RPL34: variants seen among roughly 807,000 people sequenced by gnomAD.
RPL34 encodes ribosomal protein L34, also known as large ribosomal subunit protein eL34.
Under a neutral mutation model 16.3 loss-of-function variants are expected in RPL34, and 2 were observed. The ratio of observed to expected loss-of-function variants is 0.12; its 90% CI spans 0.05 to 0.39. The LOEUF is 0.39. Ranked by LOEUF, RPL34 falls within the 10% of genes least tolerant of loss-of-function variation. RPL34 has a pLI of 0.99. For synonymous variants in RPL34, 47 were observed against 48.5 expected (o/e 0.97, Z 0.13); for missense variants, 82 against 148.8 (o/e 0.55, Z 2.33).
At chr4:108,622,701 AACT>A in intron 4 of RPL34, 83 bp downstream of exon 4, 1 of 795,720 alleles carries the variant, frequency 1.3e-6, no homozygotes, top group Non-Finnish European at 2.0e-6. Context: ...ATGGTGAAGC[AACT>A]CATTTTAAAC....
At chr4:108,625,786 T>C (rs1725981113), downstream of RPL34, among the ~76,000 whole-genome samples, 1 of 152,228 alleles carries the variant, frequency 6.6e-6, no homozygotes. Context: ...TCCTTCTCTT[T>C]GTGGGCTGAG....
downstream of RPL34, among the ~76,000 whole-genome samples, chr4:108,626,868 T>C (rs1043694743): frequency 6.6e-6 from 1 of 152,124 alleles, no homozygotes; most frequent in African/African-American, 2.4e-5. Flanking sequence ...TTTTCCTCAG[T>C]TGAGGAAAAT....
At chr4:108,626,447 CT>C (rs34343318), downstream of RPL34, among the ~76,000 whole-genome samples, 213 of 117,062 alleles carry the variant, frequency 1.8e-3, no homozygotes, top group South Asian at 1.8e-3. Context: ...GGCTGACAAC[CT>C]TTTTTTTTTT....
intron 4 of RPL34, among the ~76,000 whole-genome samples, chr4:108,624,232 G>C (rs940066587): frequency 6.6e-6 from 1 of 152,136 alleles, no homozygotes; most frequent in Non-Finnish European, 1.5e-5. Context: ...GTCTGCATGT[G>C]GTCTGTGCTT....
chr4:108,623,793 AG>A (rs1725882422), intron 4 of RPL34, among the ~76,000 whole-genome samples: 1 of 152,228 alleles, frequency 6.6e-6, no homozygotes, highest in South Asian at 2.1e-4. Context: ...GAACAGTAGG[AG>A]ATACTACATT....
intron 4 of RPL34, 52 bp from the exon 5 acceptor site, chr4:108,625,076 A>C: frequency 7.7e-7 from 1 of 1,306,716 alleles, no homozygotes; most frequent in Non-Finnish European, 1.1e-6. Flanking sequence ...GTGCTAAATA[A>C]AAAATGAAGT....
chr4:108,625,981 T>A (rs563301129), downstream of RPL34, among the ~76,000 whole-genome samples: 8 of 152,328 alleles, frequency 5.3e-5, no homozygotes, highest in Admixed American at 5.2e-4. Flanking sequence ...GTCACTTCAG[T>A]TCAAAAATGG....
At chr4:108,628,564 C>T (rs1303308655), downstream of RPL34, among the ~76,000 whole-genome samples, 2 of 152,166 alleles carry the variant, frequency 1.3e-5, no homozygotes, top group African/African-American at 4.8e-5. Context: ...GAAGGAGGCT[C>T]CTCCCTCTCC....
intron 4 of RPL34, among the ~76,000 whole-genome samples, chr4:108,623,691 C>T (rs1725878144): frequency 6.6e-6 from 1 of 152,128 alleles, no homozygotes; most frequent in African/African-American, 2.4e-5. Flanking sequence ...CAGGTATAAG[C>T]CACCGCACCC....
chr4:108,630,145 A>G (rs1302287279), downstream of RPL34: 1 of 152,142 alleles, frequency 6.6e-6, no homozygotes, highest in Non-Finnish European at 1.5e-5. Flanking sequence ...TGTTATGGTG[A>G]GAGTATTTAC....
At chr4:108,629,083 G>T (rs532518524), downstream of RPL34, among the ~76,000 whole-genome samples, 3 of 152,314 alleles carry the variant, frequency 2.0e-5, no homozygotes, top group South Asian at 6.2e-4. Context: ...CTGCTAAAGT[G>T]TTGGGATGAC....
At chr4:108,625,730 C>A (rs977417631), downstream of RPL34, among the ~76,000 whole-genome samples, 7 of 152,178 alleles carry the variant, frequency 4.6e-5, no homozygotes, top group Non-Finnish European at 8.8e-5. Context: ...CACTGATGGC[C>A]AGAATTTTTT....
rs1725822612 is a variant in RPL34, at chr4:108,622,412, A to G, written c.166-103A>G. On this transcript the variant is annotated intron_variant, in intron 3 of 4. Transcript: ENST00000394667. ...TGCCTTTCAGATAAATGAGTACACC[A>G]TTTCCCTTTGTAACCTACTTTAAAC... 11 of 903,808 alleles carry G rather than the reference A, an allele frequency of 1.2e-5. No individual in the cohort carries two copies. In the South Asian group the frequency reaches 1.3e-4, roughly 11 times the overall value. 56.0% of individuals were successfully genotyped at this position (903,808 alleles called of 1,614,324 possible).
intron 1 of RPL34, chr4:108,621,721 T>A: frequency 2.2e-6 from 1 of 460,990 alleles, no homozygotes; most frequent in Non-Finnish European, 4.0e-6. Context: ...CATCAGAACG[T>A]TAAGGAAGTG....
chr4:108,620,983 G>C (rs1343323361), intron 1 of RPL34: 1 of 152,218 alleles, frequency 6.6e-6, no homozygotes, highest in Non-Finnish European at 1.5e-5. Context: ...AGGGTCCGGC[G>C]AGTTCGGGTG....
downstream of RPL34, among the ~76,000 whole-genome samples, chr4:108,628,876 G>A (rs1726096846): frequency 1.3e-5 from 2 of 152,196 alleles, no homozygotes. Flanking sequence ...AGGCTGGAGT[G>A]CAGTGACGCG....
Position 108,625,210 on chromosome 4 carries a change from TAAAA to T in RPL34, c.*2_*5del. 1 of 1,595,098 alleles carries T rather than the reference TAAAA, an allele frequency of 6.3e-7. No homozygotes were observed. Among genetic ancestry groups the T allele is most frequent in the Non-Finnish European group, 8.6e-7 (1 of 1,168,650 alleles). On this transcript the variant is annotated stop_retained_variant and 3_prime_UTR_variant, in exon 5 of 5. Coordinates refer to ENST00000394667, the MANE Select transcript of RPL34 (RefSeq NM_001319236.2). ...ACAAGCACAGAGTCAGAAAGCTAAA[TAAAA>T]AAATGAAACTTTTTTGAGTAATAAA...
downstream of RPL34, among the ~76,000 whole-genome samples, chr4:108,626,447 C>CTT (rs34343318): frequency 0.23 from 27,131 of 116,878 alleles, 4,037 homozygotes; most frequent in East Asian, 0.45. Context: ...GGCTGACAAC[C>CTT]TTTTTTTTTT....
At chr4:108,627,301 A>G (rs1369404266), downstream of RPL34, among the ~76,000 whole-genome samples, 1 of 152,130 alleles carries the variant, frequency 6.6e-6, no homozygotes, top group Non-Finnish European at 1.5e-5. Flanking sequence ...CCCAGTCTCA[A>G]CACTTGGGAT....
Sources: gnomAD v4.1 joint callset for allele counts (sites outside exome capture counted in the v4.1 genomes callset) on GRCh38, gnomAD v4.1.1 for gene constraint, MANE v1.5 for transcripts, NCBI Gene and HGNC (gene_info 2026-07-23, HGNC 2026-07-21) for gene names.